Variants in LRP6 observed in about 807,000 individuals in gnomAD.
LRP6 encodes the protein low-density lipoprotein receptor-related protein 6.
In LRP6, 43 loss-of-function variants were observed where a neutral mutation model predicts 184.1. That is an observed-to-expected ratio of 0.23 (90% CI 0.18 to 0.30). The LOEUF (loss-of-function observed/expected upper bound fraction) is 0.30. Among genes scored for constraint, LRP6 ranks in the 10% least tolerant of loss-of-function variants. The pLI is 1.00. For missense variants in LRP6, 1,571 were observed against 2,005.3 expected (o/e 0.78, Z 4.14); for synonymous variants, 719 against 684.9 (o/e 1.05, Z -0.78).
chr12:12,240,586 AAAT>A (rs1865038925), intron 2 of LRP6, among the ~76,000 whole-genome samples: 1 of 152,090 alleles, frequency 6.6e-6, no homozygotes, highest in South Asian at 2.1e-4. Context: ...ATAAATAAAT[AAAT>A]AATAAATAAA....
At chr12:12,255,790 C>A (rs1344137468) in intron 1 of LRP6, among the ~76,000 whole-genome samples, 1 of 151,928 alleles carries the variant, frequency 6.6e-6, no homozygotes, top group Non-Finnish European at 1.5e-5. Context: ...AGGCTGGTCT[C>A]AAACTCCTAA....
At chr12:12,140,709 T>C (rs1949920214) in intron 15 of LRP6, among the ~76,000 whole-genome samples, 1 of 151,990 alleles carries the variant, frequency 6.6e-6, no homozygotes, top group Non-Finnish European at 1.5e-5. Context: ...TTTCACGTGA[T>C]TCTCCTGCCT....
intron 13 of LRP6, 60 bp downstream of exon 13, chr12:12,150,776 T>A: frequency 6.4e-7 from 1 of 1,550,704 alleles, no homozygotes; most frequent in Non-Finnish European, 8.9e-7. Context: ...TGAAACAGAG[T>A]GGTTGGTGAG....
intron 2 of LRP6, among the ~76,000 whole-genome samples, chr12:12,213,411 T>G (rs1353842116): frequency 6.6e-6 from 1 of 152,092 alleles, no homozygotes; most frequent in African/African-American, 2.4e-5. Context: ...GATTAAACAT[T>G]TTTCTTATTA....
At chr12:12,129,359 T>C (rs1949715457) in intron 19 of LRP6, among the ~76,000 whole-genome samples, 1 of 152,302 alleles carries the variant, frequency 6.6e-6, no homozygotes, top group African/African-American at 2.4e-5. Flanking sequence ...CCTCCATGAT[T>C]GTACCTTTAC....
At chr12:12,181,502 G>GA in intron 5 of LRP6, 63 bp from the exon 6 acceptor site, 1 of 838,892 alleles carries the variant, frequency 1.2e-6, no homozygotes, top group East Asian at 2.4e-5. Context: ...ACCTGCTCTA[G>GA]ATAAAGAATC....
intron 12 of LRP6, chr12:12,155,276 G>A (rs1464148158): frequency 8.0e-6 from 6 of 748,302 alleles, no homozygotes; most frequent in African/African-American, 5.1e-5. Flanking sequence ...TGAACACAAA[G>A]GGAAAGAGGA....
At position 12,266,774 on chromosome 12, in the gene LRP6, T is replaced by G. The variant is rs879338115; in HGVS notation, c.-39A>C. On this transcript the variant is annotated 5_prime_UTR_variant, in exon 1 of 23. Transcript: ENST00000261349. ...GTTCTCTTCTCTCACCGGCGAGGGG[T>G]GGCCAGAAGTGGGGGAGGCGAGGAG... 6.4e-7 allele frequency: 1 copy of G among 1,566,836 alleles called. No individual in the cohort carries two copies. Among genetic ancestry groups the G allele is most frequent in the Non-Finnish European group, 8.7e-7 (1 of 1,146,648 alleles).
rs1555105807 is a variant in LRP6 at position 12,145,630 on chromosome 12, T to TTC, written c.3397+1735_3397+1736insGA. The stretch of plus-strand genomic sequence containing the variant: ...ACATTTCTTTTTTCTTTTTCTTTTT[T>TTC]TTTTTTTTTTTTTTTGAGACAGTCT... On this transcript the variant is annotated intron_variant, in intron 15 of 22. Coordinates refer to ENST00000261349, the MANE Select transcript of LRP6 (RefSeq NM_002336.3). Among the ~76,000 whole-genome samples the TTC allele has an allele frequency of 2.2e-3, 277 of 126,052 alleles. 3 individuals are homozygous for TTC. Among genetic ancestry groups the TTC allele is most frequent in the African/African-American group, 0.011 (246 of 23,220 alleles). 82.7% of individuals were successfully genotyped at this position (126,052 alleles called of 152,430 possible).
intron 22 of LRP6, 95 bp downstream of exon 22, chr12:12,124,470 T>G (rs1949645669): frequency 1.2e-6 from 1 of 839,146 alleles, no homozygotes; most frequent in African/African-American, 1.7e-5. Flanking sequence ...CTCTCTCTGG[T>G]GACCATCGTC....
At chr12:12,138,224 G>T in intron 16 of LRP6, 101 bp downstream of exon 16, 1 of 1,134,632 alleles carries the variant, frequency 8.8e-7, no homozygotes, top group Non-Finnish European at 1.3e-6. Flanking sequence ...AAAAGTGCAT[G>T]AAAGTCTTCA....
At chr12:12,129,481 T>C (rs1409614074) in intron 19 of LRP6, among the ~76,000 whole-genome samples, 2 of 152,200 alleles carry the variant, frequency 1.3e-5, no homozygotes, top group Non-Finnish European at 2.9e-5. Flanking sequence ...GAACAGTATA[T>C]TCCCTCTGCC....
intron 16 of LRP6, among the ~76,000 whole-genome samples, chr12:12,137,106 C>T (rs1239951247): frequency 1.3e-5 from 2 of 152,162 alleles, no homozygotes; most frequent in South Asian, 2.1e-4. Flanking sequence ...ACTGTACCAA[C>T]ATAATGAACA....
chr12:12,124,675 A>G lies in LRP6; in HGVS notation c.4450-13T>C, dbSNP rs1001229701. ...GAGGGTTCAAAATCTAAAAGAAAAAAATAATTAAAATATTAAAATAACAAC... is the reference window on the plus strand; with the variant it reads ...GAGGGTTCAAAATCTAAAAGAAAAAGATAATTAAAATATTAAAATAACAAC... On this transcript the variant is annotated splice_polypyrimidine_tract_variant and intron_variant, in intron 21 of 22. Coordinates refer to ENST00000261349, the MANE Select transcript of LRP6 (RefSeq NM_002336.3). 2.0e-6 allele frequency: 3 copies of G among 1,472,682 alleles called. No individual in the cohort carries two copies. The highest frequency in any genetic ancestry group is 1.9e-6 in the Non-Finnish European group (2 of 1,060,170). The allele number at this position is 1,472,682 out of a possible 1,614,324, so 91.2% of individuals were successfully genotyped here.
intron 2 of LRP6, among the ~76,000 whole-genome samples, chr12:12,226,960 CA>C (rs1216272979): frequency 1.3e-5 from 2 of 151,990 alleles, no homozygotes; most frequent in East Asian, 3.9e-4. Context: ...CGGGAAAAGG[CA>C]AAACAAAACC....
At chr12:12,266,601 C>T (rs1865771317) in intron 1 of LRP6, 80 bp downstream of exon 1, 1 of 1,203,312 alleles carries the variant, frequency 8.3e-7, no homozygotes, top group Admixed American at 1.9e-5. Flanking sequence ...TCCTCCGTCC[C>T]TCCCCTCCCC....
rs1448484239 is a variant in LRP6 at position 12,118,097 on chromosome 12, C to T, written c.*3029G>A. 1 of 152,170 alleles carries T rather than the reference C, an allele frequency of 6.6e-6. No homozygotes were observed. The highest frequency in any genetic ancestry group is 6.5e-5 in the Admixed American group (1 of 15,276). The allele number at this position is 152,170 out of a possible 1,614,324, so 9.4% of individuals were successfully genotyped here. A position where few individuals can be genotyped will look rare whatever the true frequency, so the allele number is the denominator to read the frequency against. On this transcript the variant is annotated 3_prime_UTR_variant, in exon 23 of 23. Coordinates refer to ENST00000261349, the MANE Select transcript of LRP6 (RefSeq NM_002336.3). ...ATTAAAATTAAAGTAACTACATAAT[C>T]TTCTGCTAAACAGATATCTTGTGAT...
At chr12:12,236,888 G>A (rs958258057) in intron 2 of LRP6, among the ~76,000 whole-genome samples, 2 of 151,722 alleles carry the variant, frequency 1.3e-5, no homozygotes, top group African/African-American at 4.8e-5. Context: ...CAACCCAGAA[G>A]CTCTCCAAAC....
chr12:12,202,508 A>G (rs1049121291), intron 3 of LRP6, among the ~76,000 whole-genome samples: 4 of 152,240 alleles, frequency 2.6e-5, no homozygotes, highest in East Asian at 1.9e-4. Flanking sequence ...ACGCTACTGC[A>G]TTCCAGCCCG....
Sources: allele counts gnomAD v4.1 joint callset (sites outside exome capture counted in the v4.1 genomes callset), GRCh38; gene constraint gnomAD v4.1.1; transcripts MANE v1.5; gene names NCBI Gene and HGNC (gene_info 2026-07-23, HGNC 2026-07-21).